KIF5A: variants seen among roughly 807,000 people sequenced by gnomAD.
KIF5A encodes kinesin heavy chain isoform 5A.
In KIF5A, 35 loss-of-function variants were observed where a neutral mutation model predicts 141.3. The ratio of observed to expected loss-of-function variants is 0.25; its 90% confidence interval spans 0.19 to 0.33. KIF5A has a LOEUF of 0.33. Ranked by LOEUF, KIF5A falls within the 10% of genes least tolerant of loss-of-function variation. The pLI is 1.00. For missense variants in KIF5A, 861 were observed against 1,314.3 expected (o/e 0.66, Z 5.33); for synonymous variants, 448 against 500.2 (o/e 0.90, Z 1.39).
intron 1 of KIF5A, among the ~76,000 whole-genome samples, chr12:57,553,571 C>T (rs991002508): frequency 6.6e-6 from 1 of 152,156 alleles, no homozygotes; most frequent in Non-Finnish European, 1.5e-5. Context: ...ACAATCCCCA[C>T]GGGTGTCACT....
At chr12:57,566,473 C>T (rs577842961) in intron 6 of KIF5A, among the ~76,000 whole-genome samples, 4 of 145,968 alleles carry the variant, frequency 2.7e-5, no homozygotes, top group South Asian at 2.2e-4. Context: ...CAGTGGCGCC[C>T]GATCTTGGCT....
intron 27 of KIF5A, 144 bp downstream of exon 27, chr12:57,582,773 C>A: frequency 1.3e-6 from 1 of 755,090 alleles, no homozygotes; most frequent in South Asian, 1.5e-5. Context: ...ACTGTGTTGT[C>A]CAGGAGATCC....
chr12:57,564,421 G>C (rs199748128), intron 4 of KIF5A, 39 bp from the exon 5 acceptor site: 2 of 1,472,594 alleles, frequency 1.4e-6, no homozygotes, highest in Non-Finnish European at 1.9e-6. Context: ...TTTAAGATAG[G>C]CCCTCTTTAC....
chr12:57,575,107 CGAG>C lies in KIF5A; in HGVS notation c.1747_1749del (p.Glu583del), dbSNP rs1882381684. The C allele has an allele frequency of 6.8e-6, 11 of 1,614,014 alleles. No individual in the cohort carries two copies. Among genetic ancestry groups the C allele is most frequent in the Non-Finnish European group, 9.3e-6 (11 of 1,179,970 alleles). The stretch of plus-strand genomic sequence containing the variant: ...AGCCAGTGGAGATCAGTGGGGCCAT[CGAG>C]GAGGAGTTCACTGTGGCCCGACTCT... On this transcript the variant is annotated inframe_deletion, in exon 16 of 29. Coordinates refer to ENST00000455537, the MANE Select transcript of KIF5A (RefSeq NM_004984.4).
Position 57,550,244 on chromosome 12 carries a change from G to A in KIF5A, c.-28G>A. The A allele has an allele frequency of 6.2e-7, 1 of 1,613,562 alleles. No individual in the cohort carries two copies. The highest frequency in any genetic ancestry group is 1.1e-5 in the South Asian group (1 of 91,070). On this transcript the variant is annotated 5_prime_UTR_variant, in exon 1 of 29. Transcript: ENST00000455537. This position sits in a 1 kb window ranked among gnomAD's most constrained non-coding sequence, Gnocchi z 4.6. ...ACACACCACCCCTGCAGCCCAAGAA[G>A]AGTCCCAGCCCCACGCCGGCTACCA...
chr12:57,565,526 C>A (rs1882037954), intron 6 of KIF5A, among the ~76,000 whole-genome samples: 1 of 152,074 alleles, frequency 6.6e-6, no homozygotes, highest in Non-Finnish European at 1.5e-5. Flanking sequence ...TGCCTGTAAT[C>A]CCAACACTTT....
chr12:57,563,983 G>A (rs1041114710), intron 3 of KIF5A, 125 bp from the exon 4 acceptor site: 1 of 755,104 alleles, frequency 1.3e-6, no homozygotes, highest in Non-Finnish European at 2.3e-6. Flanking sequence ...AGACATGGTG[G>A]TGACCATCTC....
chr12:57,582,577 G>C, intron 26 of KIF5A, 25 bp from the exon 27 acceptor site: 2 of 1,601,920 alleles, frequency 1.2e-6, no homozygotes, highest in Non-Finnish European at 1.7e-6. Flanking sequence ...TTCTAATCCT[G>C]TGTTCTCAAT....
chr12:57,565,705 A>C (rs1594913886), intron 6 of KIF5A, among the ~76,000 whole-genome samples: 1 of 146,894 alleles, frequency 6.8e-6, no homozygotes. Context: ...GGTCACTGCA[A>C]CCTCCCTGTC....
In KIF5A at chr12:57,563,527, G is replaced by C; in HGVS notation, c.217+1G>C. On this transcript the variant is annotated splice_donor_variant, in intron 2 of 28. Transcript: ENST00000455537. LOFTEE classifies it high-confidence loss of function. Reference sequence around the variant, plus strand: ...GCATGTGCCATGCAGATTGTCAAAGGTAATAGATTTCTTTTTAGAATGTCT... The same window carrying C: ...GCATGTGCCATGCAGATTGTCAAAGCTAATAGATTTCTTTTTAGAATGTCT... 1 of 1,612,998 alleles carries C rather than the reference G, an allele frequency of 6.2e-7. No individual in the cohort carries two copies. Among genetic ancestry groups the C allele is most frequent in the Non-Finnish European group, 8.5e-7 (1 of 1,179,048 alleles).
intron 1 of KIF5A, among the ~76,000 whole-genome samples, chr12:57,559,105 A>G (rs1039854525): frequency 6.6e-6 from 1 of 152,230 alleles, no homozygotes; most frequent in Non-Finnish European, 1.5e-5. Flanking sequence ...GGGATAGGCC[A>G]TTATTTAACC....
Position 57,586,285 on chromosome 12 carries a change from A to T in KIF5A, c.*2104A>T, listed in dbSNP as rs1882758956. On this transcript the variant is annotated 3_prime_UTR_variant, in exon 29 of 29. Transcript: ENST00000455537. ...TGGTTCTTTTAAAAACACATAAGGA[A>T]ATGTGAGGGTGTAGCGCAGATGAGG... 1 of 152,308 alleles carries T rather than the reference A, an allele frequency of 6.6e-6. No homozygotes were observed. The highest frequency in any genetic ancestry group is 1.5e-5 in the Non-Finnish European group (1 of 68,026). 9.4% of individuals were successfully genotyped at this position (152,308 alleles called of 1,614,324 possible).
chr12:57,557,161 T>C (rs1188378106), intron 1 of KIF5A, among the ~76,000 whole-genome samples: 1 of 151,632 alleles, frequency 6.6e-6, no homozygotes, highest in Non-Finnish European at 1.5e-5. Flanking sequence ...AATGCACCAA[T>C]CCCCAACCCA....
chr12:57,577,851 C>T, intron 21 of KIF5A, 78 bp downstream of exon 21: 1 of 1,356,830 alleles, frequency 7.4e-7, no homozygotes, highest in East Asian at 2.3e-5. Context: ...CCTATTCCTC[C>T]TGCCCTTTTG....
At position 57,572,474 on chromosome 12, in the gene KIF5A, C is replaced by T; in HGVS notation, c.1570-106C>T. ...GACTCTTCTGCAGGGCCTGTGTTCT[C>T]TTCATAGCAGCCCTCAGGGTCTTGC... On this transcript the variant is annotated intron_variant, in intron 14 of 28. Coordinates refer to ENST00000455537, the MANE Select transcript of KIF5A (RefSeq NM_004984.4). This position sits in a 1 kb window ranked among gnomAD's most constrained non-coding sequence, Gnocchi z 4.2. The T allele has an allele frequency of 6.7e-7, 1 of 1,483,448 alleles. No individual in the cohort carries two copies. Among genetic ancestry groups the T allele is most frequent in the Non-Finnish European group, 9.3e-7 (1 of 1,077,358 alleles). 91.9% of individuals were successfully genotyped at this position (1,483,448 alleles called of 1,614,324 possible).
At position 57,581,893 on chromosome 12, in the gene KIF5A, G is replaced by A; in HGVS notation, c.2933G>A (p.Ser978Asn). Residue 978 changes from serine (S) to asparagine (N), a missense_variant, in exon 26 of 29, where the codon AGT (serine) becomes AAT (asparagine). By Grantham distance (46) the Ser-to-Asn change is conservative (BLOSUM62 1). Around this residue, in one of 5 missense-constraint regions of KIF5A, gnomAD observed 482 missense variants for 661.3 expected, o/e 0.73. Transcript: ENST00000455537. The part of the protein sequence containing the change: ...DMYFANSCTS[S>N]GATSSGGPLA... Reference sequence around the variant, plus strand: ...AGCTTTGCAAACTCCTGTACCAGCAGTGGAGCCACATCTTCTGGCGGCCCC... The same window carrying A: ...AGCTTTGCAAACTCCTGTACCAGCAATGGAGCCACATCTTCTGGCGGCCCC... 1 of 1,614,112 alleles carries A rather than the reference G, an allele frequency of 6.2e-7. No homozygotes were observed. Among genetic ancestry groups the A allele is most frequent in the Non-Finnish European group, 8.5e-7 (1 of 1,180,022 alleles).
In KIF5A at chr12:57,571,317, A is replaced by G; in HGVS notation, c.1294-4A>G. The G allele has an allele frequency of 1.9e-6, 3 of 1,574,754 alleles. No individual in the cohort carries two copies. The highest frequency in any genetic ancestry group is 2.6e-6 in the Non-Finnish European group (3 of 1,144,264). On this transcript the variant is annotated splice_polypyrimidine_tract_variant and splice_region_variant and intron_variant, in intron 12 of 28. Coordinates refer to ENST00000455537, the MANE Select transcript of KIF5A (RefSeq NM_004984.4). ...CACCTGTCTTTCCCTGTTGCCTCCA[A>G]CAGGATGATGAAATCAACCAACAAA...
In KIF5A at chr12:57,550,482, G is replaced by A; in HGVS notation, c.129+82G>A. 6.8e-7 allele frequency: 1 copy of A among 1,461,738 alleles called. No homozygotes were observed. The highest frequency in any genetic ancestry group is 2.3e-5 in the East Asian group (1 of 43,294). The allele number at this position is 1,461,738 out of a possible 1,614,324, so 90.5% of individuals were successfully genotyped here. ...CCCCCGCAGAGCCTTAGTCTCTGCT[G>A]GTCCCTTTGCTCCCCCTCCCCGCCG... On this transcript the variant is annotated intron_variant, in intron 1 of 28. Transcript: ENST00000455537. This position sits in a 1 kb window ranked among gnomAD's most constrained non-coding sequence, Gnocchi z 4.6.
intron 23 of KIF5A, among the ~76,000 whole-genome samples, chr12:57,578,603 G>A (rs1882500648): frequency 6.6e-6 from 1 of 152,214 alleles, no homozygotes; most frequent in African/African-American, 2.4e-5. Flanking sequence ...CTTGGAGGGA[G>A]AGGTTGAAAC....
Sources: gnomAD v4.1 joint callset for allele counts (sites outside exome capture counted in the v4.1 genomes callset) on GRCh38, gnomAD v4.1.1 for gene constraint, gnomAD v4.1.1 regional missense constraint, Gnocchi (gnomAD v3.1) non-coding constraint, MANE v1.5 for transcripts, NCBI Gene and HGNC (gene_info 2026-07-23, HGNC 2026-07-21) for gene names.